The following CREB5 variants were observed in gnomAD, a reference collection of about 807,000 sequenced individuals.
CREB5 encodes cAMP responsive element binding protein 5, also known as cyclic AMP-responsive element-binding protein 5.
In CREB5, 19 loss-of-function variants were observed where a neutral mutation model predicts 57.1. The ratio of observed to expected loss-of-function variants is 0.33; its 90% CI spans 0.23 to 0.49. The LOEUF is 0.49. CREB5 is among the 20% of genes least tolerant of loss of function. The probability of loss-of-function intolerance (pLI) is 0.99; values close to 1 mark genes in which losing one functional copy is unlikely to be tolerated. For missense variants in CREB5, 579 were observed against 671.6 expected, an observed-to-expected ratio of 0.86 and a Z score of 1.52; for synonymous variants, 238 against 238.3, an observed-to-expected ratio of 1.00 and a Z score of 0.01.
intron 1 of CREB5, among the ~76,000 whole-genome samples, chr7:28,421,580 G>A (rs927024422): frequency 6.6e-6 from 1 of 151,976 alleles, no homozygotes; most frequent in Non-Finnish European, 1.5e-5. Context: ...TTGACACATA[G>A]GAGAATCCAG....
At chr7:28,561,007 TGTGTGTGTGCGTGTGTGC>T (rs1256592839) in intron 4 of CREB5, among the ~76,000 whole-genome samples, 136 of 44,088 alleles carry the variant, frequency 3.1e-3, no homozygotes, top group African/African-American at 0.012. Flanking sequence ...TGCGTGTGCG[TGTGTGTGTGCGTGTGTGC>T]GTGTGTGTGT....
chr7:28,661,129 G>T (rs1016364302), intron 5 of CREB5, among the ~76,000 whole-genome samples: 18 of 152,114 alleles, frequency 1.2e-4, no homozygotes, highest in African/African-American at 4.3e-4. Flanking sequence ...CTTTCTTCAA[G>T]GATCTTGTTG....
chr7:28,650,250 A>G (rs1583479590), intron 5 of CREB5, among the ~76,000 whole-genome samples: 2 of 152,300 alleles, frequency 1.3e-5, no homozygotes, highest in South Asian at 2.1e-4. Context: ...TTTCACATAC[A>G]CCTTGAAACT....
intron 4 of CREB5, among the ~76,000 whole-genome samples, chr7:28,540,423 T>C (rs1020499265): frequency 6.6e-6 from 1 of 152,130 alleles, no homozygotes; most frequent in Non-Finnish European, 1.5e-5. Flanking sequence ...GAGGAGATGA[T>C]AGCTCTAATA....
chr7:28,763,730 A>T (rs1805790969), intron 7 of CREB5, among the ~76,000 whole-genome samples: 1 of 152,082 alleles, frequency 6.6e-6, no homozygotes, highest in Non-Finnish European at 1.5e-5. Context: ...TTCCATTAGC[A>T]AAGTTTCCTT....
chr7:28,739,967 C>T (rs1804241972), intron 7 of CREB5, among the ~76,000 whole-genome samples: 1 of 152,144 alleles, frequency 6.6e-6, no homozygotes, highest in African/African-American at 2.4e-5. Flanking sequence ...TCGGCCGTGC[C>T]AACTTACACG....
chr7:28,746,182 G>A (rs911471283), intron 7 of CREB5, among the ~76,000 whole-genome samples: 2 of 152,094 alleles, frequency 1.3e-5, no homozygotes, highest in African/African-American at 2.4e-5. Flanking sequence ...TTAGTATTAC[G>A]TGAAAGTTCC....
intron 7 of CREB5, among the ~76,000 whole-genome samples, chr7:28,798,562 A>C (rs992207225): frequency 7.2e-4 from 109 of 152,314 alleles, no homozygotes; most frequent in African/African-American, 2.6e-3. Context: ...GGATGGGAGG[A>C]GGCGAATAGT....
At chr7:28,470,372 A>G (rs919533754) in intron 1 of CREB5, among the ~76,000 whole-genome samples, 4 of 152,012 alleles carry the variant, frequency 2.6e-5, no homozygotes, top group Non-Finnish European at 4.4e-5. Flanking sequence ...AGTGACCTCC[A>G]TTTTCATCCA....
chr7:28,761,259 C>G (rs1805629197), intron 7 of CREB5, among the ~76,000 whole-genome samples: 1 of 152,138 alleles, frequency 6.6e-6, no homozygotes, highest in African/African-American at 2.4e-5. Flanking sequence ...ATGTAGTTGA[C>G]CCTAGATGGG....
At chr7:28,798,405 A>G (rs1808174600) in intron 7 of CREB5, among the ~76,000 whole-genome samples, 2 of 150,244 alleles carry the variant, frequency 1.3e-5, no homozygotes, top group Non-Finnish European at 3.0e-5. Flanking sequence ...GTGCACACTC[A>G]CGCAGGCACA....
In CREB5 at chr7:28,578,712, T is replaced by G. The variant is rs112593197; in HGVS notation, c.464+8175T>G. Among the ~76,000 whole-genome samples, 103 of 152,356 alleles carry G rather than the reference T, an allele frequency of 6.8e-4. 1 individual carries two copies. Among genetic ancestry groups the G allele is most frequent in the Non-Finnish European group, 1.1e-3 (75 of 68,028 alleles). ...AATTTGGAGATAGCCTATGATGCCC[T>G]TTGCATGTATGATATATTCATGTAA... On this transcript the variant is annotated intron_variant, in intron 5 of 10. Transcript: ENST00000357727.
intron 7 of CREB5, among the ~76,000 whole-genome samples, chr7:28,742,347 A>G (rs1187396940): frequency 2.0e-5 from 3 of 151,994 alleles, no homozygotes; most frequent in African/African-American, 4.8e-5. Context: ...CGGGCAGATC[A>G]TGAGGTCAGG....
At chr7:28,788,417 C>T (rs1266952062) in intron 7 of CREB5, among the ~76,000 whole-genome samples, 1 of 152,150 alleles carries the variant, frequency 6.6e-6, no homozygotes, top group East Asian at 1.9e-4. Flanking sequence ...ACTAGTTAGC[C>T]CCAGAGCAAT....
At chr7:28,751,232 A>G (rs759058293) in intron 7 of CREB5, among the ~76,000 whole-genome samples, 1 of 151,836 alleles carries the variant, frequency 6.6e-6, no homozygotes, top group African/African-American at 2.4e-5. Context: ...GAGGAAAGGC[A>G]TTCCTTCTTC....
intron 1 of CREB5, among the ~76,000 whole-genome samples, chr7:28,392,736 A>G (rs1787247145): frequency 6.6e-6 from 1 of 152,150 alleles, no homozygotes; most frequent in Non-Finnish European, 1.5e-5. Context: ...ATACATATAG[A>G]AAAGGAGATC....
At chr7:28,718,394 G>T (rs1000284475) in intron 5 of CREB5, among the ~76,000 whole-genome samples, 1 of 152,318 alleles carries the variant, frequency 6.6e-6, no homozygotes. Flanking sequence ...TAGATCTCAG[G>T]CTCTAAGACA....
chr7:28,537,901 G>C (rs370911901), intron 4 of CREB5, among the ~76,000 whole-genome samples: 1 of 152,150 alleles, frequency 6.6e-6, no homozygotes, highest in East Asian at 1.9e-4. Flanking sequence ...TGTACAGGAA[G>C]GTTTAGACCT....
Position 28,804,201 on chromosome 7 carries a change from G to A in CREB5, c.705G>A (p.Arg235=). 4.3e-6 allele frequency: 7 copies of A among 1,612,106 alleles called. No individual in the cohort carries two copies. Among genetic ancestry groups the A allele is most frequent in the African/African-American group, 1.3e-5 (1 of 74,982 alleles). Residue 235 remains arginine (R), a splice_region_variant and synonymous_variant, in exon 8 of 11, where the codon AGG becomes AGA. Coordinates refer to ENST00000357727, the MANE Select transcript of CREB5 (RefSeq NM_182898.4). ...VQPMHSEAKM[R]LKAALTHHPA... is the part of the protein sequence containing the mutation. ...TCCTCCCTTTTGTTCTGTTTCAGAG[G>A]TTGAAGGCTGCATTGACTCACCACC... is the stretch of plus-strand genomic sequence containing the variant.
Sources: gnomAD v4.1 joint callset for allele counts (sites outside exome capture counted in the v4.1 genomes callset) on GRCh38, gnomAD v4.1.1 for gene constraint, MANE v1.5 for transcripts, NCBI Gene and HGNC (gene_info 2026-07-23, HGNC 2026-07-21) for gene names.